SHROOM3: variants seen among roughly 807,000 people sequenced by gnomAD.
SHROOM3 encodes the protein shroom family member 3, also known as protein Shroom3.
Under a neutral mutation model 138.6 loss-of-function variants are expected in SHROOM3, and 47 were observed. The observed-to-expected ratio is 0.34, with a 90% confidence interval of 0.27 to 0.43. The LOEUF is 0.43. Among genes scored for constraint, SHROOM3 ranks in the 20% least tolerant of loss-of-function variants. SHROOM3 has a pLI of 1.00. For missense variants in SHROOM3, 2,491 were observed against 2,596.5 expected (o/e 0.96, Z 0.88); for synonymous variants, 1,062 against 1,063.3 (o/e 1.00, Z 0.02).
chr4:76,657,216 T>C (rs1260805401), intron 2 of SHROOM3, among the ~76,000 whole-genome samples: 3 of 150,274 alleles, frequency 2.0e-5, no homozygotes, highest in South Asian at 2.1e-4. Flanking sequence ...TATATATATA[T>C]ACACATATTC....
rs1735038153 is a variant in SHROOM3 at position 76,622,807 on chromosome 4, G to A, written c.323+67044G>A. ...TAGAGTTGTGGCTAAAAGCAAAGCTGGGTTTTTTCTTCTCAGGTTTATAGC... is the reference window on the plus strand; with the variant it reads ...TAGAGTTGTGGCTAAAAGCAAAGCTAGGTTTTTTCTTCTCAGGTTTATAGC... On this transcript the variant is annotated intron_variant, in intron 2 of 10. Coordinates refer to ENST00000296043, the MANE Select transcript of SHROOM3 (RefSeq NM_020859.4). 2.0e-5 allele frequency among the ~76,000 whole-genome samples: 3 copies of A among 152,108 alleles called. No homozygotes were observed. The South Asian group carries it at 6.2e-4, about 32-fold the overall frequency.
chr4:76,474,929 A>C (rs1213704286), intron 1 of SHROOM3, among the ~76,000 whole-genome samples: 2 of 151,994 alleles, frequency 1.3e-5, no homozygotes, highest in Non-Finnish European at 2.9e-5. Context: ...TCTGGCTCAA[A>C]AAAAAAAAAA....
chr4:76,490,243 A>G (rs1486322971), intron 1 of SHROOM3, among the ~76,000 whole-genome samples: 2 of 152,162 alleles, frequency 1.3e-5, no homozygotes, highest in Non-Finnish European at 2.9e-5. Context: ...TTAGCCGGCA[A>G]TCAGTCTGAC....
chr4:76,482,845 A>G (rs1368773524), intron 1 of SHROOM3, among the ~76,000 whole-genome samples: 2 of 152,210 alleles, frequency 1.3e-5, no homozygotes, highest in African/African-American at 4.8e-5. Context: ...AAGTAATGCC[A>G]CACATCCACA....
chr4:76,583,411 G>T (rs1267010877), intron 2 of SHROOM3, among the ~76,000 whole-genome samples: 4 of 152,242 alleles, frequency 2.6e-5, no homozygotes, highest in African/African-American at 9.6e-5. Flanking sequence ...ACCACAACTG[G>T]GTAACATTAG....
At chr4:76,732,422 G>A (rs1720916302) in intron 4 of SHROOM3, among the ~76,000 whole-genome samples, 1 of 152,202 alleles carries the variant, frequency 6.6e-6, no homozygotes, top group Admixed American at 6.5e-5. Context: ...CTGATGAACA[G>A]TAGCTCATGG....
At chr4:76,523,463 G>A (rs1049699971) in intron 1 of SHROOM3, among the ~76,000 whole-genome samples, 6 of 152,166 alleles carry the variant, frequency 3.9e-5, no homozygotes, top group African/African-American at 1.4e-4. Flanking sequence ...CATGTACAAT[G>A]TAGCAAAATA....
At chr4:76,689,192 C>T (rs1048581956) in intron 2 of SHROOM3, among the ~76,000 whole-genome samples, 1 of 152,116 alleles carries the variant, frequency 6.6e-6, no homozygotes, top group Non-Finnish European at 1.5e-5. Context: ...CCCTTAATAC[C>T]GTAAGGACCC....
At chr4:76,644,569 T>C (rs1274816731) in intron 2 of SHROOM3, among the ~76,000 whole-genome samples, 2 of 150,356 alleles carry the variant, frequency 1.3e-5, no homozygotes, top group African/African-American at 4.9e-5. Flanking sequence ...CATACGGGGT[T>C]TTTTTTTTTT....
intron 2 of SHROOM3, among the ~76,000 whole-genome samples, chr4:76,692,669 C>T (rs554396705): frequency 1.3e-5 from 2 of 152,290 alleles, no homozygotes; most frequent in East Asian, 1.9e-4. Context: ...ACAATGAATA[C>T]GACTCAGCGA....
chr4:76,490,457 A>C (rs1474095693), intron 1 of SHROOM3, among the ~76,000 whole-genome samples: 1 of 151,742 alleles, frequency 6.6e-6, no homozygotes, highest in Non-Finnish European at 1.5e-5. Context: ...AGTTTTCACC[A>C]TGTTAGCCAG....
rs1229310480 is a variant in SHROOM3 at position 76,754,982 on chromosome 4, C to T, written c.4499C>T (p.Pro1500Leu). Residue 1500 changes from proline to leucine, a missense_variant, in exon 7 of 11, where the codon CCT becomes CTT. By Grantham distance (98) the Pro-to-Leu change is moderately conservative. Around this residue, in one of 4 missense-constraint regions of SHROOM3, gnomAD observed 1,733 missense variants for 1,661.6 expected, o/e 1.04. Transcript: ENST00000296043. ...SESVLRDSPP[P>L]HEDYEDEVFV... ...TCTGTCCTGCGGGACTCCCCGCCAC[C>T]TCATGAGGATTATGAAGACGAAGTG... 2 of 1,613,982 alleles carry T rather than the reference C, an allele frequency of 1.2e-6. No individual in the cohort carries two copies. Among genetic ancestry groups the T allele is most frequent in the East Asian group, 2.2e-5 (1 of 44,876 alleles).
At chr4:76,778,031 A>G (rs1001141941) in intron 10 of SHROOM3, among the ~76,000 whole-genome samples, 4 of 152,152 alleles carry the variant, frequency 2.6e-5, no homozygotes, top group Non-Finnish European at 5.9e-5. Flanking sequence ...CTTTAGCCGC[A>G]AAAGAATCAT....
chr4:76,448,984 G>A (rs964121448), intron 1 of SHROOM3, among the ~76,000 whole-genome samples: 38 of 152,154 alleles, frequency 2.5e-4, no homozygotes, highest in African/African-American at 8.7e-4. Flanking sequence ...TCTCTCTTTC[G>A]GTCTTCACCC....
At chr4:76,550,072 A>AT (rs976108988) in intron 1 of SHROOM3, among the ~76,000 whole-genome samples, 11 of 151,686 alleles carry the variant, frequency 7.3e-5, no homozygotes, top group African/African-American at 1.7e-4. Flanking sequence ...ATCCAGCCTA[A>AT]TTTTTTGTGT....
In SHROOM3 at chr4:76,705,305, A is replaced by G. The variant is rs961226201; in HGVS notation, c.324-4851A>G. 7.2e-5 allele frequency among the ~76,000 whole-genome samples: 9 copies of G among 124,476 alleles called. No homozygotes were observed. The East Asian group carries it at 2.1e-3, about 28-fold the overall frequency. 81.7% of individuals were successfully genotyped at this position (124,476 alleles called of 152,430 possible). On this transcript the variant is annotated intron_variant, in intron 2 of 10. Transcript: ENST00000296043. ...GGCAATGTAGTGAGACTCCGTCTCT[A>G]CAAACAACAACAACAACAACAACAA...
rs1043435537 is a variant in SHROOM3, at chr4:76,548,889, C to T, written c.169-6720C>T. Among the ~76,000 whole-genome samples the T allele has an allele frequency of 3.9e-5, 6 of 151,974 alleles. No individual in the cohort carries two copies. In the South Asian group the frequency reaches 8.3e-4, roughly 21 times the overall value. On this transcript the variant is annotated intron_variant, in intron 1 of 10. Transcript: ENST00000296043. ...TAGGGATTTCCCACCCAGTTGCACACGGTGTGTTATCTGAAGTCATTTAAC... is the reference window on the plus strand; with the variant it reads ...TAGGGATTTCCCACCCAGTTGCACATGGTGTGTTATCTGAAGTCATTTAAC...
intron 1 of SHROOM3, chr4:76,509,764 T>C (rs535476817): frequency 6.6e-6 from 1 of 152,324 alleles, no homozygotes; most frequent in East Asian, 1.9e-4. Context: ...ACTCTTTAAA[T>C]ACTTTATTTG....
At chr4:76,611,153 A>G (rs1286090283) in intron 2 of SHROOM3, among the ~76,000 whole-genome samples, 1 of 152,102 alleles carries the variant, frequency 6.6e-6, no homozygotes, top group East Asian at 1.9e-4. Flanking sequence ...TGCAACCATC[A>G]CCACTACCAA....
Sources: allele counts gnomAD v4.1 joint callset (sites outside exome capture counted in the v4.1 genomes callset), GRCh38; gene constraint gnomAD v4.1.1; regional missense constraint gnomAD v4.1.1; transcripts MANE v1.5; gene names NCBI Gene and HGNC (gene_info 2026-07-23, HGNC 2026-07-21).